The following KCNQ5 variants were observed in gnomAD, a reference collection of about 807,000 sequenced individuals.
The protein encoded by KCNQ5 is potassium voltage-gated channel subfamily Q member 5, also known as potassium voltage-gated channel subfamily KQT member 5.
In KCNQ5, 30 loss-of-function variants were observed where a neutral mutation model predicts 98.2. The observed-to-expected ratio is 0.31, with a 90% CI of 0.23 to 0.41. KCNQ5 has a LOEUF of 0.41. Ranked by LOEUF, KCNQ5 falls within the 10% of genes least tolerant of loss-of-function variation. The pLI is 1.00. For missense variants in KCNQ5, 835 were observed against 1,182.5 expected (o/e 0.71, Z 4.31); for synonymous variants, 458 against 449.4 (o/e 1.02, Z -0.24).
intron 7 of KCNQ5, among the ~76,000 whole-genome samples, chr6:73,115,930 G>A (rs1024679244): frequency 3.3e-5 from 5 of 152,214 alleles, no homozygotes; most frequent in African/African-American, 1.2e-4. Context: ...AGAACAGAAT[G>A]AGAAGGAGGC....
At chr6:73,119,790 C>T (rs1281109724) in intron 7 of KCNQ5, among the ~76,000 whole-genome samples, 1 of 133,168 alleles carries the variant, frequency 7.5e-6, no homozygotes, top group Non-Finnish European at 1.5e-5. Context: ...TGCTCATGCT[C>T]AAGTCGCTCA....
chr6:73,117,753 TG>T (rs1041408179), intron 7 of KCNQ5, among the ~76,000 whole-genome samples: 12 of 152,250 alleles, frequency 7.9e-5, no homozygotes, highest in South Asian at 4.1e-4. Flanking sequence ...AGAGGATCTC[TG>T]GGCATCACTA....
chr6:72,827,817 GA>G (rs1776068777), intron 1 of KCNQ5, among the ~76,000 whole-genome samples: 1 of 151,982 alleles, frequency 6.6e-6, no homozygotes, highest in African/African-American at 2.4e-5. Flanking sequence ...CCAATGTCCT[GA>G]ACTGTTTCTC....
chr6:72,999,437 G>A (rs1769458717), intron 1 of KCNQ5, among the ~76,000 whole-genome samples: 1 of 152,100 alleles, frequency 6.6e-6, no homozygotes, highest in African/African-American at 2.4e-5. Flanking sequence ...CAAAATAAAG[G>A]CCAATAGCTG....
At position 72,692,563 on chromosome 6, in the gene KCNQ5, G is replaced by T. The variant is rs181432346; in HGVS notation, c.398+69976G>T. Among the ~76,000 whole-genome samples, 11 of 152,316 alleles carry T rather than the reference G, an allele frequency of 7.2e-5. No homozygotes were observed. The East Asian group carries it at 1.9e-3, about 27-fold the overall frequency. On this transcript the variant is annotated intron_variant, in intron 1 of 13. Transcript: ENST00000370398. ...ATGAGACTCTGCAAATACATTTCTT[G>T]TAAGTGTGAACATTTTGAAATTTTC...
chr6:73,192,289 A>G (rs574401026), intron 12 of KCNQ5, among the ~76,000 whole-genome samples: 33 of 152,362 alleles, frequency 2.2e-4, no homozygotes, highest in African/African-American at 7.2e-4. Context: ...CTGCCTGATC[A>G]GAGGTAGAAA....
At chr6:72,740,357 ACT>A (rs1771066801) in intron 1 of KCNQ5, among the ~76,000 whole-genome samples, 1 of 152,114 alleles carries the variant, frequency 6.6e-6, no homozygotes, top group African/African-American at 2.4e-5. Context: ...GAGAACGGAA[ACT>A]CAGAGTGGCT....
chr6:72,821,600 T>C (rs1274518080), intron 1 of KCNQ5, among the ~76,000 whole-genome samples: 1 of 151,992 alleles, frequency 6.6e-6, no homozygotes, highest in Non-Finnish European at 1.5e-5. Flanking sequence ...GCTCATGAAG[T>C]TTCAAGATTT....
At chr6:73,158,043 G>A (rs1410036327) in intron 10 of KCNQ5, 2 of 664,704 alleles carry the variant, frequency 3.0e-6, no homozygotes, top group Non-Finnish European at 5.6e-6. Context: ...GCCGCTGATA[G>A]TGTCCGGACC....
At chr6:72,914,542 C>A (rs1285959674) in intron 1 of KCNQ5, among the ~76,000 whole-genome samples, 1 of 147,396 alleles carries the variant, frequency 6.8e-6, no homozygotes, top group Non-Finnish European at 1.5e-5. Context: ...CAAGATTCCA[C>A]CTTCCCCCTG....
intron 1 of KCNQ5, among the ~76,000 whole-genome samples, chr6:72,709,191 A>G (rs997140653): frequency 3.3e-5 from 5 of 152,296 alleles, no homozygotes; most frequent in African/African-American, 1.2e-4. Flanking sequence ...AAACATGCAT[A>G]GGAAATATAT....
chr6:72,922,810 CTTTTTTTT>C (rs369263359), intron 1 of KCNQ5, among the ~76,000 whole-genome samples: 1 of 103,832 alleles, frequency 9.6e-6, no homozygotes, highest in African/African-American at 3.6e-5. Context: ...TTTTCTTTTT[CTTTTTTTT>C]TTTTTTTTTT....
intron 2 of KCNQ5, among the ~76,000 whole-genome samples, chr6:73,033,143 G>A (rs1490868106): frequency 6.6e-6 from 1 of 152,108 alleles, no homozygotes; most frequent in Non-Finnish European, 1.5e-5. Flanking sequence ...GGCCACTCCA[G>A]GTAGGCAGCG....
At chr6:72,804,351 T>C (rs2150097026) in intron 1 of KCNQ5, among the ~76,000 whole-genome samples, 1 of 151,138 alleles carries the variant, frequency 6.6e-6, no homozygotes, top group Admixed American at 6.6e-5. Flanking sequence ...CTAATAACCA[T>C]TGTTCCATTC....
At chr6:72,913,116 C>T (rs544166394) in intron 1 of KCNQ5, among the ~76,000 whole-genome samples, 1 of 152,062 alleles carries the variant, frequency 6.6e-6, no homozygotes, top group South Asian at 2.1e-4. Context: ...TACATTAAGC[C>T]TAATTTAATT....
At chr6:73,189,775 G>C (rs1168944820) in intron 11 of KCNQ5, among the ~76,000 whole-genome samples, 1 of 152,152 alleles carries the variant, frequency 6.6e-6, no homozygotes, top group Non-Finnish European at 1.5e-5. Context: ...GGAATTTGTT[G>C]ATGAAATATC....
At chr6:73,026,393 C>T (rs1770891885) in intron 2 of KCNQ5, among the ~76,000 whole-genome samples, 1 of 152,122 alleles carries the variant, frequency 6.6e-6, no homozygotes, top group African/African-American at 2.4e-5. Flanking sequence ...GTTTTTGCAC[C>T]AACTGATCCT....
chr6:72,970,513 A>C (rs548107455), intron 1 of KCNQ5, among the ~76,000 whole-genome samples: 1 of 152,338 alleles, frequency 6.6e-6, no homozygotes, highest in East Asian at 1.9e-4. Flanking sequence ...ACCAAAGCTA[A>C]TTACCAGTTG....
At chr6:72,658,578 A>ATATATATATATTTT (rs1226386362) in intron 1 of KCNQ5, among the ~76,000 whole-genome samples, 1 of 76,380 alleles carries the variant, frequency 1.3e-5, no homozygotes, top group Non-Finnish European at 2.8e-5. Flanking sequence ...ATATATATAT[A>ATATATATATATTTT]TTTTTTTTTT....
Sources: allele counts gnomAD v4.1 joint callset (sites outside exome capture counted in the v4.1 genomes callset), GRCh38; gene constraint gnomAD v4.1.1; transcripts MANE v1.5; gene names NCBI Gene and HGNC (gene_info 2026-07-23, HGNC 2026-07-21).